The following NPAS3 variants were observed in gnomAD, a reference collection of about 807,000 sequenced individuals.
NPAS3 encodes the protein neuronal PAS domain protein 3, also known as neuronal PAS domain-containing protein 3.
Under a neutral mutation model 73.1 loss-of-function variants are expected in NPAS3, and 14 were observed. The ratio of observed to expected loss-of-function variants is 0.19; its 90% CI spans 0.13 to 0.30. The LOEUF is 0.30. Among genes scored for constraint, NPAS3 ranks in the 10% least tolerant of loss-of-function variants. NPAS3 has a pLI of 1.00. For missense variants in NPAS3, 1,096 were observed against 1,250.0 expected (o/e 0.88, Z 1.86); for synonymous variants, 620 against 541.5 (o/e 1.14, Z -2.01).
At chr14:33,676,312 C>T in exon 6 of NPAS3, 3 of 1,612,836 alleles carry the variant, frequency 1.9e-6, no homozygotes, top group East Asian at 2.2e-5. Flanking sequence ...GGCGGGGTCT[C>T]CTGTCACAGG....
chr14:33,733,060 G>A (rs2061437745), intron 6 of NPAS3, among the ~76,000 whole-genome samples: 1 of 152,190 alleles, frequency 6.6e-6, no homozygotes. Flanking sequence ...CGCTAAAACA[G>A]GTTTCACTTC....
intron 5 of NPAS3, among the ~76,000 whole-genome samples, chr14:33,666,146 T>C (rs754405787): frequency 1.6e-4 from 24 of 152,204 alleles, no homozygotes; most frequent in Non-Finnish European, 7.4e-5. Context: ...TGGATCTATC[T>C]ATCTCTTTAG....
At chr14:33,774,095 TA>T (rs935131331) in intron 7 of NPAS3, among the ~76,000 whole-genome samples, 20 of 152,266 alleles carry the variant, frequency 1.3e-4, no homozygotes, top group African/African-American at 4.6e-4. Context: ...AAAAAGTCCT[TA>T]AAAAAATAGC....
chr14:33,300,669 G>C (rs372740205), intron 3 of NPAS3, among the ~76,000 whole-genome samples: 3 of 152,124 alleles, frequency 2.0e-5, no homozygotes, highest in Non-Finnish European at 4.4e-5. Context: ...CCAGGGGCTG[G>C]CCATAGAGCA....
intron 2 of NPAS3, among the ~76,000 whole-genome samples, chr14:33,100,240 A>T (rs1048904638): frequency 3.3e-5 from 5 of 152,158 alleles, no homozygotes; most frequent in African/African-American, 1.2e-4. Context: ...GCTAATGGGA[A>T]GGTAGGTTTT....
chr14:33,361,854 T>C (rs2045618567), intron 3 of NPAS3, among the ~76,000 whole-genome samples: 1 of 152,198 alleles, frequency 6.6e-6, no homozygotes, highest in South Asian at 2.1e-4. Context: ...CTGGTATTTA[T>C]TTGTTATCAG....
intron 5 of NPAS3, among the ~76,000 whole-genome samples, chr14:33,563,566 G>A (rs1007762490): frequency 5.4e-5 from 5 of 91,890 alleles, no homozygotes; most frequent in African/African-American, 2.2e-4. Context: ...AGAGAGAGAG[G>A]AGAGATGTAT....
chr14:33,523,471 A>G (rs1453771628), intron 4 of NPAS3, among the ~76,000 whole-genome samples: 2 of 147,044 alleles, frequency 1.4e-5, no homozygotes. Context: ...AAAAAAAAAA[A>G]AAGATCCTGG....
chr14:33,301,337 A>G (rs2042537283), intron 3 of NPAS3, among the ~76,000 whole-genome samples: 2 of 76,574 alleles, frequency 2.6e-5, no homozygotes, highest in Non-Finnish European at 5.4e-5. Flanking sequence ...TTTTTTTTAA[A>G]TCTAGCTGTA....
intron 7 of NPAS3, among the ~76,000 whole-genome samples, chr14:33,767,037 G>C (rs1464052989): frequency 6.6e-6 from 1 of 152,222 alleles, no homozygotes; most frequent in Non-Finnish European, 1.5e-5. Context: ...GAAGGTCTAA[G>C]GGCTCCTCCT....
chr14:33,442,059 G>C (rs1291204947), intron 4 of NPAS3, among the ~76,000 whole-genome samples: 1 of 152,142 alleles, frequency 6.6e-6, no homozygotes, highest in East Asian at 1.9e-4. Context: ...TTCCTCGTAT[G>C]ACATAGTTTG....
intron 2 of NPAS3, among the ~76,000 whole-genome samples, chr14:33,062,896 G>A (rs755905123): frequency 6.6e-6 from 1 of 152,212 alleles, no homozygotes; most frequent in Admixed American, 6.5e-5. Flanking sequence ...GTTTACAAAT[G>A]TGTCTTTAGT....
intron 6 of NPAS3, among the ~76,000 whole-genome samples, chr14:33,713,533 T>C (rs1372064846): frequency 6.6e-6 from 1 of 152,278 alleles, no homozygotes; most frequent in South Asian, 2.1e-4. Context: ...TTTGGAGGCA[T>C]GCTTGATGCT....
At chr14:33,214,442 TAAATTTATATTTTC>T (rs2047147432) in intron 2 of NPAS3, 1 of 152,222 alleles carries the variant, frequency 6.6e-6, no homozygotes, top group African/African-American at 2.4e-5. Context: ...CTTTCAATAT[TAAATTTATATTTTC>T]CTAAAGTTTG....
At chr14:32,941,085 GA>G (rs1249947015) in intron 1 of NPAS3, among the ~76,000 whole-genome samples, 3 of 152,066 alleles carry the variant, frequency 2.0e-5, no homozygotes, top group Admixed American at 1.3e-4. Context: ...TCTTGTAGTA[GA>G]AAAAATAATT....
chr14:33,765,297 T>TA (rs10552866), intron 7 of NPAS3, among the ~76,000 whole-genome samples: 6,238 of 145,140 alleles, frequency 0.043, 382 homozygotes, highest in African/African-American at 0.14. Context: ...ATTTCTGCAT[T>TA]AAAAAAAAAA....
upstream of NPAS3, chr14:32,939,219 G>A (rs1379811838): frequency 1.1e-5 from 4 of 348,936 alleles, no homozygotes; most frequent in East Asian, 1.3e-4. Flanking sequence ...GCACTCTCCC[G>A]CCACCCCACG....
At chr14:33,791,864 C>T (rs772285530) in intron 9 of NPAS3, among the ~76,000 whole-genome samples, 1 of 152,164 alleles carries the variant, frequency 6.6e-6, no homozygotes, top group Non-Finnish European at 1.5e-5. Flanking sequence ...AAAGGGGCTT[C>T]TTAGTCTCTT....
intron 7 of NPAS3, among the ~76,000 whole-genome samples, chr14:33,737,174 G>A (rs1046397758): frequency 6.6e-6 from 1 of 152,200 alleles, no homozygotes; most frequent in Non-Finnish European, 1.5e-5. Context: ...AGATAGCAAA[G>A]AAAGTGTGAG....
Sources: gnomAD v4.1 joint callset for allele counts (sites outside exome capture counted in the v4.1 genomes callset) on GRCh38, gnomAD v4.1.1 for gene constraint, MANE v1.5 for transcripts, NCBI Gene and HGNC (gene_info 2026-07-23, HGNC 2026-07-21) for gene names.